The following SUGT1 variants were observed in gnomAD, a reference collection of about 807,000 sequenced individuals.
SUGT1 encodes protein SGT1 homolog.
A neutral mutation model predicts 56.1 loss-of-function variants in SUGT1; 15 were observed. The ratio of observed to expected loss-of-function variants is 0.27; its 90% CI spans 0.18 to 0.41. SUGT1 has a LOEUF of 0.41. SUGT1 is among the 10% of genes least tolerant of loss of function. The pLI is 1.00. For missense variants in SUGT1, 347 were observed against 382.2 expected (o/e 0.91, Z 0.77); for synonymous variants, 123 against 128.6 (o/e 0.96, Z 0.30).
rs1373390804 is a variant in SUGT1 at position 52,665,854 on chromosome 13, ATGT to A, written c.519+124_519+126del. On this transcript the variant is annotated intron_variant, in intron 9 of 12. Coordinates refer to ENST00000310528, the MANE Select transcript of SUGT1 (RefSeq NM_006704.5). Reference sequence around the variant, plus strand: ...ATTTCTTCCTGAGATGATTTGGAAAATGTTGAATAAAATCTGAAGCCATTGCTT... The same window carrying A: ...ATTTCTTCCTGAGATGATTTGGAAAATGAATAAAATCTGAAGCCATTGCTT... 6.0e-6 allele frequency: 4 copies of A among 664,810 alleles called. No individual in the cohort carries two copies. In the East Asian group the frequency reaches 1.3e-4, roughly 21 times the overall value. The allele number at this position is 664,810 out of a possible 1,614,324, so 41.2% of individuals were successfully genotyped here.
intron 10 of SUGT1, among the ~76,000 whole-genome samples, chr13:52,669,654 T>C (rs1962851584): frequency 1.3e-5 from 2 of 152,200 alleles, no homozygotes; most frequent in African/African-American, 4.8e-5. Context: ...GGATGTGTCC[T>C]AAAGAATTAT....
chr13:52,671,161 T>A (rs536436995), intron 10 of SUGT1, among the ~76,000 whole-genome samples: 4 of 152,010 alleles, frequency 2.6e-5, no homozygotes, highest in South Asian at 2.1e-4. Context: ...TGAGAGTTTT[T>A]AAAATTATTG....
intron 10 of SUGT1, among the ~76,000 whole-genome samples, chr13:52,673,227 C>A (rs1433528995): frequency 7.5e-6 from 1 of 133,336 alleles, no homozygotes. Context: ...GGACATTAGT[C>A]CCTCCCTTCT....
At chr13:52,654,855 T>TA (rs1962083905) in intron 2 of SUGT1, among the ~76,000 whole-genome samples, 1 of 152,270 alleles carries the variant, frequency 6.6e-6, no homozygotes, top group Non-Finnish European at 1.5e-5. Flanking sequence ...AGTGGACATC[T>TA]GGGTTATTTC....
At chr13:52,674,321 G>C (rs1963060391) in intron 10 of SUGT1, among the ~76,000 whole-genome samples, 2 of 151,794 alleles carry the variant, frequency 1.3e-5, no homozygotes, top group African/African-American at 2.4e-5. Flanking sequence ...TAAGGTGCTG[G>C]GGTTACTACT....
At chr13:52,672,772 T>C (rs1002243286) in intron 10 of SUGT1, among the ~76,000 whole-genome samples, 3 of 152,220 alleles carry the variant, frequency 2.0e-5, no homozygotes, top group Non-Finnish European at 4.4e-5. Context: ...AAGATGGTGG[T>C]GTCTGGATAT....
chr13:52,687,636 G>A, intron 12 of SUGT1, 98 bp from the exon 13 acceptor site: 1 of 773,988 alleles, frequency 1.3e-6, no homozygotes, highest in Non-Finnish European at 2.0e-6. Flanking sequence ...GTATATAATA[G>A]CCAATATTTG....
intron 7 of SUGT1, among the ~76,000 whole-genome samples, 162 bp from the exon 8 acceptor site, chr13:52,663,871 TAC>T (rs1426735445): frequency 1.3e-5 from 2 of 152,204 alleles, no homozygotes; most frequent in African/African-American, 4.8e-5. Context: ...ATTTAACAAT[TAC>T]AGTTACTATG....
intron 11 of SUGT1, among the ~76,000 whole-genome samples, chr13:52,677,762 A>T (rs1188859492): frequency 7.7e-6 from 1 of 129,922 alleles, no homozygotes; most frequent in Non-Finnish European, 1.6e-5. Flanking sequence ...TAACAATGGA[A>T]ACAGTCTTTG....
chr13:52,659,222 A>G lies in SUGT1; in HGVS notation c.301A>G (p.Thr101Ala), dbSNP rs753066280. 4.7e-6 allele frequency: 7 copies of G among 1,485,228 alleles called. No homozygotes were observed. Among genetic ancestry groups the G allele is most frequent in the Non-Finnish European group, 6.2e-6 (7 of 1,124,542 alleles). 92.0% of individuals were successfully genotyped at this position (1,485,228 alleles called of 1,614,324 possible). A position where few individuals can be genotyped will look rare whatever the true frequency, so the allele number is the denominator to read the frequency against. The change falls in exon 5 of 13, where the codon ACT becomes GCT. Residue 101 changes from threonine (T) to alanine (A), a missense_variant. Physicochemically the swap from Thr to Ala is moderately conservative, Grantham distance 58 (BLOSUM62 0). Coordinates refer to ENST00000310528, the MANE Select transcript of SUGT1 (RefSeq NM_006704.5). ...HEKNYAAALE[T>A]FTEGQKLDSA... ...AAAAAACTATGCTGCTGCCCTAGAA[A>G]CTTTTACAGAAGGACAAAAATTAGA...
chr13:52,694,130 A>G lies in SUGT1; in HGVS notation c.*6295A>G, dbSNP rs1963857233. 1 of 152,224 alleles carries G rather than the reference A, an allele frequency of 6.6e-6. No individual in the cohort carries two copies. Among genetic ancestry groups the G allele is most frequent in the South Asian group, 2.1e-4 (1 of 4,832 alleles). The allele number at this position is 152,224 out of a possible 1,614,324, so 9.4% of individuals were successfully genotyped here. The stretch of plus-strand genomic sequence containing the variant: ...ATTAATAGTCTATCTGTATTGCATT[A>G]TCTTCTAAAATCCAAAATTCTGACT... On this transcript the variant is annotated 3_prime_UTR_variant, in exon 13 of 13. Transcript: ENST00000310528.
chr13:52,665,562 A>C, intron 8 of SUGT1, 75 bp from the exon 9 acceptor site: 1 of 1,056,456 alleles, frequency 9.5e-7, no homozygotes, highest in Non-Finnish European at 1.4e-6. Context: ...GTTGTTTATC[A>C]GACTAGTTTT....
rs540850815 is a variant in SUGT1, at chr13:52,689,218, T to C, written c.*1383T>C. Reference sequence around the variant, plus strand: ...CAGATGGTGCCCAAACCTGTTGTTATAGCTTGTTTAAGCATTCTAGAGTTT... The same window carrying C: ...CAGATGGTGCCCAAACCTGTTGTTACAGCTTGTTTAAGCATTCTAGAGTTT... On this transcript the variant is annotated 3_prime_UTR_variant, in exon 13 of 13. Transcript: ENST00000310528. 2.8e-4 allele frequency: 43 copies of C among 152,322 alleles called. No homozygotes were observed. Among genetic ancestry groups the C allele is most frequent in the African/African-American group, 9.4e-4 (39 of 41,586 alleles). 9.4% of individuals were successfully genotyped at this position (152,322 alleles called of 1,614,324 possible).
rs567209453 is a variant in SUGT1, at chr13:52,700,623, T to C, written c.*12788T>C. 1 of 152,320 alleles carries C rather than the reference T, an allele frequency of 6.6e-6. No individual in the cohort carries two copies. The highest frequency in any genetic ancestry group is 1.9e-4 in the East Asian group (1 of 5,188). The allele number at this position is 152,320 out of a possible 1,614,324, so 9.4% of individuals were successfully genotyped here. A position where few individuals can be genotyped will look rare whatever the true frequency, so the allele number is the denominator to read the frequency against. ...AAACACTCTCTGCCTGTAAAATGTT[T>C]TTGCTGAAATTTGTATCATTAACTC... On this transcript the variant is annotated 3_prime_UTR_variant, in exon 13 of 13. Coordinates refer to ENST00000310528, the MANE Select transcript of SUGT1 (RefSeq NM_006704.5).
intron 3 of SUGT1, chr13:52,658,062 A>C (rs906576992): frequency 6.7e-6 from 8 of 1,197,356 alleles, no homozygotes; most frequent in Admixed American, 8.3e-5. Flanking sequence ...TGTATTTAAA[A>C]AGTAATGTAT....
intron 12 of SUGT1, among the ~76,000 whole-genome samples, chr13:52,681,268 A>G (rs1439604921): frequency 1.3e-5 from 2 of 151,252 alleles, no homozygotes; most frequent in African/African-American, 4.9e-5. Flanking sequence ...AAAAAAAAAA[A>G]TTAGCTAGGC....
chr13:52,662,205 A>G (rs1178810876), intron 5 of SUGT1, among the ~76,000 whole-genome samples: 1 of 152,162 alleles, frequency 6.6e-6, no homozygotes, highest in African/African-American at 2.4e-5. Flanking sequence ...CTGAATAGGT[A>G]TCTGCATTGA....
At position 52,687,763 on chromosome 13, in the gene SUGT1, C is replaced by G. The variant is rs988478772; in HGVS notation, c.930C>G (p.Thr310=). Residue 310 remains threonine (T), a synonymous_variant, in exon 13 of 13, where the codon ACC becomes ACG. Transcript: ENST00000310528. ...FMESGGTVLS[T]NWSDVGKRKV... is the part of the protein sequence containing the mutation. ...AGTCGGGTGGTACAGTTTTGAGTAC[C>G]AACTGGTCTGATGTAGGTAAAAGGA... is the stretch of plus-strand genomic sequence containing the variant. 1 of 1,598,788 alleles carries G rather than the reference C, an allele frequency of 6.3e-7. No homozygotes were observed. The highest frequency in any genetic ancestry group is 8.5e-7 in the Non-Finnish European group (1 of 1,173,690).
chr13:52,683,160 G>A (rs1963443986), intron 12 of SUGT1, among the ~76,000 whole-genome samples: 1 of 152,170 alleles, frequency 6.6e-6, no homozygotes, highest in African/African-American at 2.4e-5. Flanking sequence ...AGAGTAGTGA[G>A]AGTGGACATC....
Sources: gnomAD v4.1 joint callset for allele counts (sites outside exome capture counted in the v4.1 genomes callset) on GRCh38, gnomAD v4.1.1 for gene constraint, MANE v1.5 for transcripts, NCBI Gene and HGNC (gene_info 2026-07-23, HGNC 2026-07-21) for gene names.